The following ZMYM5 variants were observed in gnomAD, a reference collection of about 807,000 sequenced individuals.
ZMYM5 encodes zinc finger MYM-type containing 5.
Under a neutral mutation model 61.8 loss-of-function variants are expected in ZMYM5, and 41 were observed. That is an observed-to-expected ratio of 0.66 (90% CI 0.52 to 0.86). ZMYM5 has a LOEUF of 0.86. ZMYM5 is among the 40% of genes least tolerant of loss of function. The pLI, the probability that ZMYM5 is intolerant of heterozygous loss-of-function variation, is 0.00. For synonymous variants in ZMYM5, 257 were observed against 276.4 expected, an observed-to-expected ratio of 0.93 and a Z score of 0.70; for missense variants, 706 against 786.7, an observed-to-expected ratio of 0.90 and a Z score of 1.23.
chr13:19,849,034 A>T (rs1163926702), intron 4 of ZMYM5, among the ~76,000 whole-genome samples: 1 of 152,228 alleles, frequency 6.6e-6, no homozygotes, highest in Non-Finnish European at 1.5e-5. Context: ...TATTTATTGT[A>T]GCTTCAAAAC....
chr13:19,827,284 G>A (rs921127825), intron 7 of ZMYM5, among the ~76,000 whole-genome samples: 3 of 151,846 alleles, frequency 2.0e-5, no homozygotes, highest in African/African-American at 7.3e-5. Context: ...TCAATACATG[G>A]GCCCAAACAC....
At chr13:19,854,645 AC>A (rs397705132) in intron 2 of ZMYM5, among the ~76,000 whole-genome samples, 3 of 150,358 alleles carry the variant, frequency 2.0e-5, no homozygotes, top group African/African-American at 7.3e-5. Context: ...AAAAAAAAAA[AC>A]CTCAATGTAA....
At chr13:19,856,727 T>C in intron 2 of ZMYM5, among the ~76,000 whole-genome samples, 1 of 151,608 alleles carries the variant, frequency 6.6e-6, no homozygotes, top group Admixed American at 6.6e-5. Context: ...AGAGAATCGC[T>C]TGAACCCGGG....
chr13:19,828,382 G>C (rs1402038843), intron 7 of ZMYM5, among the ~76,000 whole-genome samples: 1 of 152,124 alleles, frequency 6.6e-6, no homozygotes, highest in Non-Finnish European at 1.5e-5. Flanking sequence ...GCTGAGGCAG[G>C]AGAATCGCTT....
chr13:19,840,944 T>C (rs1156259461), intron 4 of ZMYM5, among the ~76,000 whole-genome samples: 1 of 151,162 alleles, frequency 6.6e-6, no homozygotes, highest in East Asian at 1.9e-4. Flanking sequence ...CCCAAAGTGC[T>C]GGGATTACAG....
In ZMYM5 at chr13:19,851,963, G is replaced by A; in HGVS notation, c.218C>T (p.Ala73Val). Residue 73 changes from alanine (A) to valine (V), a missense_variant, in exon 3 of 8, where the codon GCT (alanine) becomes GTT (valine). Physicochemically the swap from Ala to Val is moderately conservative, Grantham distance 64. Coordinates refer to ENST00000337963, the MANE Select transcript of ZMYM5 (RefSeq NM_001142684.2). ...GTTTCTTTGATCAGCTATTGCTGGA[G>A]CAGAAATTGAAGGAGGTTGTATAGA... ...IESIQPPSIS[A>V]PAIADQRNFI... The A allele has an allele frequency of 1.2e-6, 2 of 1,614,012 alleles. No individual in the cohort carries two copies. Among genetic ancestry groups the A allele is most frequent in the Non-Finnish European group, 1.7e-6 (2 of 1,180,006 alleles).
chr13:19,848,104 G>A (rs965976997), intron 4 of ZMYM5, among the ~76,000 whole-genome samples: 2 of 151,890 alleles, frequency 1.3e-5, no homozygotes, highest in African/African-American at 4.8e-5. Context: ...CCAAGTAGCT[G>A]TGACTGCAGG....
chr13:19,857,449 A>C (rs1953556343), intron 2 of ZMYM5, among the ~76,000 whole-genome samples: 1 of 152,206 alleles, frequency 6.6e-6, no homozygotes, highest in African/African-American at 2.4e-5. Context: ...TTGAGTATAT[A>C]AGCACACCTA....
At chr13:19,861,922 C>T (rs1218215215) in intron 2 of ZMYM5, among the ~76,000 whole-genome samples, 1 of 151,650 alleles carries the variant, frequency 6.6e-6, no homozygotes, top group Non-Finnish European at 1.5e-5. Context: ...CACTCAGATT[C>T]GGTGGTCAAT....
At chr13:19,829,295 T>A (rs1400291349) in intron 7 of ZMYM5, among the ~76,000 whole-genome samples, 3 of 151,970 alleles carry the variant, frequency 2.0e-5, no homozygotes, top group East Asian at 1.9e-4. Flanking sequence ...TTAAAAAAAA[T>A]AAATATATTT....
intron 7 of ZMYM5, among the ~76,000 whole-genome samples, chr13:19,830,829 GTTACT>G (rs1190366710): frequency 7.0e-6 from 1 of 142,330 alleles, no homozygotes; most frequent in East Asian, 2.1e-4. Flanking sequence ...CTGTTTATGA[GTTACT>G]TTTTCTTTTT....
intron 4 of ZMYM5, among the ~76,000 whole-genome samples, chr13:19,841,647 CAAAA>C (rs1429268272): frequency 6.6e-6 from 1 of 150,832 alleles, no homozygotes; most frequent in Admixed American, 6.6e-5. Context: ...AACAAAAATA[CAAAA>C]GATGTAAGAG....
chr13:19,848,776 C>A (rs1953176974), intron 4 of ZMYM5, among the ~76,000 whole-genome samples: 1 of 152,036 alleles, frequency 6.6e-6, no homozygotes, highest in South Asian at 2.1e-4. Flanking sequence ...TTCAAGTGAT[C>A]CACCTGCCTT....
At chr13:19,855,211 T>C (rs1455693532) in intron 2 of ZMYM5, among the ~76,000 whole-genome samples, 10 of 151,714 alleles carry the variant, frequency 6.6e-5, no homozygotes, top group African/African-American at 1.7e-4. Flanking sequence ...TTAAAAATAA[T>C]GATAAAAAAG....
intron 1 of ZMYM5, among the ~76,000 whole-genome samples, chr13:19,863,077 T>G (rs1005700724): frequency 4.0e-5 from 6 of 151,866 alleles, no homozygotes; most frequent in African/African-American, 1.5e-4. Flanking sequence ...GGCAGCGCGG[T>G]CCTGACAGCG....
rs1311062386 is a variant in ZMYM5 at position 19,838,995 on chromosome 13, G to A, written c.587-10C>T. The A allele has an allele frequency of 1.9e-6, 3 of 1,591,158 alleles. No homozygotes were observed. Among genetic ancestry groups the A allele is most frequent in the South Asian group, 2.3e-5 (2 of 86,908 alleles). On this transcript the variant is annotated splice_polypyrimidine_tract_variant and intron_variant, in intron 4 of 7. Transcript: ENST00000337963. Reference sequence around the variant, plus strand: ...TGGGAGATCCAAGAATCTTAAAAATGAAACAAGAAAAAAATCATGGAACAA... The same window carrying A: ...TGGGAGATCCAAGAATCTTAAAAATAAAACAAGAAAAAAATCATGGAACAA...
intron 4 of ZMYM5, among the ~76,000 whole-genome samples, chr13:19,845,427 C>T (rs1449184353): frequency 6.6e-6 from 1 of 152,180 alleles, no homozygotes; most frequent in Non-Finnish European, 1.5e-5. Context: ...CATTTGGTCA[C>T]CTTCACTTAT....
rs1006829889 is a variant in ZMYM5, at chr13:19,851,467, G to A, written c.493-19C>T. The stretch of plus-strand genomic sequence containing the variant: ...TCTTGGTCTGTGGAGTTAAAGATGG[G>A]GTGTACGTTTGTATATTAACACCAA... On this transcript the variant is annotated intron_variant, in intron 3 of 7. Transcript: ENST00000337963. 2.5e-6 allele frequency: 4 copies of A among 1,611,632 alleles called. No individual in the cohort carries two copies. Among genetic ancestry groups the A allele is most frequent in the Non-Finnish European group, 3.4e-6 (4 of 1,178,108 alleles).
rs1049774707 is a variant in ZMYM5, at chr13:19,830,875, T to C, written c.1251+4602A>G. ...TTTTTTTTGAGACAGAGTCTCGCAC[T>C]GTCCCCCAGGCTGGAGTGCAGTGGC... On this transcript the variant is annotated intron_variant, in intron 7 of 7. Transcript: ENST00000337963. Among the ~76,000 whole-genome samples, 4 of 148,286 alleles carry C rather than the reference T, an allele frequency of 2.7e-5. 1 individual carries two copies. Among genetic ancestry groups the C allele is most frequent in the African/African-American group, 7.5e-5 (3 of 40,044 alleles).
Sources: allele counts gnomAD v4.1 joint callset (sites outside exome capture counted in the v4.1 genomes callset), GRCh38; gene constraint gnomAD v4.1.1; transcripts MANE v1.5; gene names NCBI Gene and HGNC (gene_info 2026-07-23, HGNC 2026-07-21).